Variants in FLI1 observed in about 807,000 individuals in gnomAD.
FLI1 encodes Fli-1 proto-oncogene, ETS transcription factor, also known as Friend leukemia integration 1 transcription factor.
A neutral mutation model predicts 53.1 loss-of-function variants in FLI1; 13 were observed. The observed-to-expected ratio is 0.24, with a 90% CI of 0.16 to 0.39. The LOEUF is 0.39. Among genes scored for constraint, FLI1 ranks in the 10% least tolerant of loss-of-function variants. The pLI is 1.00. For synonymous variants in FLI1, 244 were observed against 236.7 expected (o/e 1.03, Z -0.28); for missense variants, 424 against 600.5 (o/e 0.71, Z 3.07).
intron 3 of FLI1, among the ~76,000 whole-genome samples, chr11:128,771,439 T>C (rs1941552723): frequency 6.6e-6 from 1 of 152,210 alleles, no homozygotes; most frequent in South Asian, 2.1e-4. Context: ...CCAAGGACAG[T>C]TGGTGGATGC....
At chr11:128,727,549 G>T (rs10893914) in intron 1 of FLI1, among the ~76,000 whole-genome samples, 1 of 152,082 alleles carries the variant, frequency 6.6e-6, no homozygotes, top group Non-Finnish European at 1.5e-5. Flanking sequence ...TTGCGGAAAG[G>T]GCTGATGTAT....
intron 4 of FLI1, among the ~76,000 whole-genome samples, chr11:128,774,677 C>T (rs1941679702): frequency 6.6e-6 from 1 of 152,134 alleles, no homozygotes; most frequent in Non-Finnish European, 1.5e-5. Context: ...AGTTAAAGGG[C>T]CCAGTGCTTC....
At chr11:128,728,443 G>A (rs776324835) in intron 1 of FLI1, among the ~76,000 whole-genome samples, 7 of 152,266 alleles carry the variant, frequency 4.6e-5, no homozygotes, top group Non-Finnish European at 8.8e-5. Context: ...GAGCTGGACC[G>A]CCCTCTCTGG....
intron 1 of FLI1, among the ~76,000 whole-genome samples, chr11:128,705,429 C>T (rs1938506912): frequency 6.6e-6 from 1 of 152,212 alleles, no homozygotes; most frequent in South Asian, 2.1e-4. Context: ...AAGGCTTCCT[C>T]CTCTACCCTT....
intron 4 of FLI1, among the ~76,000 whole-genome samples, chr11:128,777,637 A>C (rs965412333): frequency 6.6e-6 from 1 of 152,228 alleles, no homozygotes; most frequent in African/African-American, 2.4e-5. Context: ...CCCTGGACCC[A>C]GTAGTCAGCC....
At chr11:128,694,862 G>T (rs1008650079) in intron 1 of FLI1, among the ~76,000 whole-genome samples, 14 of 152,156 alleles carry the variant, frequency 9.2e-5, no homozygotes, top group Non-Finnish European at 1.5e-4. Context: ...ACATGTCAGC[G>T]CTTTCCCTTC....
chr11:128,756,355 G>A (rs1591784859), intron 1 of FLI1, among the ~76,000 whole-genome samples: 1 of 152,078 alleles, frequency 6.6e-6, no homozygotes, highest in Non-Finnish European at 1.5e-5. Flanking sequence ...TCCCCTGGGG[G>A]CTCTCTGTGT....
At chr11:128,763,344 G>T (rs1450179006) in intron 2 of FLI1, among the ~76,000 whole-genome samples, 1 of 152,172 alleles carries the variant, frequency 6.6e-6, no homozygotes, top group Non-Finnish European at 1.5e-5. Context: ...ACTCTGTTAG[G>T]CTGGGTTGCC....
At chr11:128,685,333 A>AT (rs1865782009), upstream of FLI1, among the ~76,000 whole-genome samples, 1 of 152,174 alleles carries the variant, frequency 6.6e-6, no homozygotes. Flanking sequence ...AGCTGCCCGG[A>AT]GTTCCGCTCC....
rs1823421981 is a variant in FLI1, at chr11:128,809,104, G to T, written c.782-53G>T. 4 of 1,422,370 alleles carry T rather than the reference G, an allele frequency of 2.8e-6. No homozygotes were observed. In the African/African-American group the frequency reaches 5.6e-5, roughly 20 times the overall value. 88.1% of individuals were successfully genotyped at this position (1,422,370 alleles called of 1,614,324 possible). A position where few individuals can be genotyped will look rare whatever the true frequency, so the allele number is the denominator to read the frequency against. The stretch of plus-strand genomic sequence containing the variant: ...TTATGGTTTTCTTATGGTTGGTACG[G>T]TTGTCATATTTTTTAAAAACACTGA... On this transcript the variant is annotated intron_variant, in intron 7 of 8. Coordinates refer to ENST00000527786, the MANE Select transcript of FLI1 (RefSeq NM_002017.5).
intron 1 of FLI1, among the ~76,000 whole-genome samples, chr11:128,687,447 G>C (rs1468849782): frequency 6.6e-6 from 1 of 152,152 alleles, no homozygotes; most frequent in Non-Finnish European, 1.5e-5. Context: ...GCCGCGACCT[G>C]ACGCCCTCCG....
intron 4 of FLI1, among the ~76,000 whole-genome samples, chr11:128,778,608 CTGTATGGCTT>C (rs1298675357): frequency 2.6e-5 from 4 of 152,210 alleles, no homozygotes; most frequent in Admixed American, 2.0e-4. Context: ...AATGCTGGCT[CTGTATGGCTT>C]ATGCAAGGAT....
intron 5 of FLI1, among the ~76,000 whole-genome samples, chr11:128,783,807 G>A (rs1012151759): frequency 2.6e-5 from 4 of 152,106 alleles, no homozygotes; most frequent in African/African-American, 9.7e-5. Context: ...ACATTGCGAG[G>A]GCTCAAGAGC....
At chr11:128,713,572 G>A (rs1274876234) in intron 1 of FLI1, among the ~76,000 whole-genome samples, 1 of 151,742 alleles carries the variant, frequency 6.6e-6, no homozygotes, top group Non-Finnish European at 1.5e-5. Context: ...CAGCAGTAAA[G>A]CAGACAGGTA....
chr11:128,697,282 GT>G (rs1938121403), intron 1 of FLI1, among the ~76,000 whole-genome samples: 1 of 152,342 alleles, frequency 6.6e-6, no homozygotes, highest in East Asian at 1.9e-4. Flanking sequence ...TGCACGTGGT[GT>G]CATTACAGAT....
chr11:128,706,105 A>G (rs557932420), intron 1 of FLI1, among the ~76,000 whole-genome samples: 1 of 152,238 alleles, frequency 6.6e-6, no homozygotes, highest in Non-Finnish European at 1.5e-5. Flanking sequence ...CTCTCTACAT[A>G]GGGTTTAACC....
chr11:128,809,896 CA>C (rs1346408866), intron 8 of FLI1, among the ~76,000 whole-genome samples: 1 of 152,154 alleles, frequency 6.6e-6, no homozygotes, highest in Middle Eastern at 3.2e-3. Flanking sequence ...TCTCTCTGCA[CA>C]AGTTCTCTGT....
At chr11:128,756,471 A>G (rs766033078) in intron 1 of FLI1, among the ~76,000 whole-genome samples, 2 of 152,208 alleles carry the variant, frequency 1.3e-5, no homozygotes, top group South Asian at 4.2e-4. Flanking sequence ...TCCAAATACA[A>G]TCACATTCTG....
At chr11:128,763,795 G>C (rs1270443673) in intron 2 of FLI1, among the ~76,000 whole-genome samples, 1 of 152,238 alleles carries the variant, frequency 6.6e-6, no homozygotes, top group African/African-American at 2.4e-5. Context: ...AGCATCTACT[G>C]TGTATGGGGA....
Sources: allele counts gnomAD v4.1 joint callset (sites outside exome capture counted in the v4.1 genomes callset), GRCh38; gene constraint gnomAD v4.1.1; transcripts MANE v1.5; gene names NCBI Gene and HGNC (gene_info 2026-07-23, HGNC 2026-07-21).